ROBO2: variants seen among roughly 807,000 people sequenced by gnomAD.
The protein encoded by ROBO2 is roundabout homolog 2.
In ROBO2, 53 loss-of-function variants were observed where a neutral mutation model predicts 160.8. The ratio of observed to expected loss-of-function variants is 0.33; its 90% confidence interval spans 0.26 to 0.41. The LOEUF is 0.41. ROBO2 is among the 10% of genes least tolerant of loss of function. The pLI is 1.00. For missense variants in ROBO2, 1,577 were observed against 1,722.4 expected (o/e 0.92, Z 1.49); for synonymous variants, 664 against 611.7 (o/e 1.09, Z -1.26).
intron 2 of ROBO2, among the ~76,000 whole-genome samples, chr3:76,311,959 T>G (rs981751338): frequency 6.6e-6 from 1 of 152,236 alleles, no homozygotes; most frequent in African/African-American, 2.4e-5. Context: ...CTTTGAAGTG[T>G]TGTAATACAT....
At position 76,749,011 on chromosome 3, in the gene ROBO2, A is replaced by G. The variant is rs913828349; in HGVS notation, c.110-349003A>G. Reference sequence around the variant, plus strand: ...ATAAAATATTTATGATACACTAAAAATAATGCTATTATGGTAGAATATTTA... The same window carrying G: ...ATAAAATATTTATGATACACTAAAAGTAATGCTATTATGGTAGAATATTTA... On this transcript the variant is annotated intron_variant, in intron 2 of 26. Transcript: ENST00000487694. 3.3e-5 allele frequency among the ~76,000 whole-genome samples: 5 copies of G among 152,028 alleles called. No homozygotes were observed. In the South Asian group the frequency reaches 6.2e-4, roughly 19 times the overall value.
At chr3:77,647,210 C>T (rs2095418410) in exon 26 of ROBO2, 1 of 152,252 alleles carries the variant, frequency 6.6e-6, no homozygotes, top group African/African-American at 2.4e-5. Flanking sequence ...AAATTCATGA[C>T]TTAAAAAATA....
intron 2 of ROBO2, among the ~76,000 whole-genome samples, chr3:76,985,137 T>C (rs1216309105): frequency 6.6e-6 from 1 of 152,170 alleles, no homozygotes; most frequent in African/African-American, 2.4e-5. Context: ...CATAGTCTAG[T>C]ACACTGAATT....
rs370017823 is a variant in ROBO2, at chr3:76,031,912, A to G, written c.109+94310A>G. ...GTTAGGGAGGATTCCTTCTTTTCCT[A>G]TTGATTGGAATAGTTTCAGAAGGAA... On this transcript the variant is annotated intron_variant, in intron 2 of 26. Coordinates refer to the ROBO2 transcript ENST00000487694. 1.6e-4 allele frequency among the ~76,000 whole-genome samples: 24 copies of G among 152,026 alleles called. No homozygotes were observed. In the East Asian group the frequency reaches 4.1e-3, roughly 26 times the overall value.
At chr3:76,823,929 A>G (rs776734135) in intron 2 of ROBO2, among the ~76,000 whole-genome samples, 14 of 152,210 alleles carry the variant, frequency 9.2e-5, no homozygotes, top group African/African-American at 2.9e-4. Context: ...TAATAAAAAC[A>G]CACAAAATGA....
chr3:77,071,179 A>T (rs2067371645), intron 1 of ROBO2, among the ~76,000 whole-genome samples: 1 of 152,114 alleles, frequency 6.6e-6, no homozygotes, highest in African/African-American at 2.4e-5. Context: ...CTTCTGAGGA[A>T]ATATTTTACA....
chr3:77,126,778 ACTT>A (rs751153916), intron 2 of ROBO2, among the ~76,000 whole-genome samples: 3,484 of 132,824 alleles, frequency 0.026, 77 homozygotes, highest in East Asian at 0.049. Flanking sequence ...TGATTTTGAA[ACTT>A]CTTTTTTTTT....
chr3:77,266,207 T>A (rs549888753), intron 2 of ROBO2, among the ~76,000 whole-genome samples: 18 of 152,050 alleles, frequency 1.2e-4, no homozygotes, highest in African/African-American at 4.1e-4. Context: ...TTTTTAATCT[T>A]CATCTCTTAT....
intron 5 of ROBO2, among the ~76,000 whole-genome samples, chr3:77,515,444 T>TA (rs1209353489): frequency 6.6e-6 from 1 of 151,678 alleles, no homozygotes; most frequent in Non-Finnish European, 1.5e-5. Flanking sequence ...TGTCAATTGT[T>TA]TAAATAATTT....
chr3:77,374,147 G>A (rs1232783442), intron 2 of ROBO2, among the ~76,000 whole-genome samples: 3 of 110,614 alleles, frequency 2.7e-5, no homozygotes, highest in African/African-American at 1.1e-4. Flanking sequence ...TCCAGCCCAG[G>A]CCGACAACAG....
chr3:77,474,309 C>A (rs2153582592), intron 2 of ROBO2, among the ~76,000 whole-genome samples: 1 of 152,244 alleles, frequency 6.6e-6, no homozygotes, highest in Admixed American at 6.5e-5. Context: ...TGTGATTCTC[C>A]TCAGGGTACG....
chr3:77,464,555 G>C (rs2082574188), intron 2 of ROBO2, among the ~76,000 whole-genome samples: 1 of 152,124 alleles, frequency 6.6e-6, no homozygotes, highest in African/African-American at 2.4e-5. Context: ...GGGGGAGGAA[G>C]GGGACTATTC....
At chr3:77,108,401 C>T (rs1176140687) in intron 2 of ROBO2, among the ~76,000 whole-genome samples, 2 of 151,944 alleles carry the variant, frequency 1.3e-5, no homozygotes, top group East Asian at 3.9e-4. Context: ...TGGTCTGGAA[C>T]TCCTGGCCCT....
At chr3:76,727,286 G>A (rs2093567129) in intron 2 of ROBO2, among the ~76,000 whole-genome samples, 1 of 152,074 alleles carries the variant, frequency 6.6e-6, no homozygotes, top group Admixed American at 6.6e-5. Context: ...ATGATCTTAA[G>A]TAAGGAAATA....
chr3:77,448,831 A>T (rs4293680), intron 2 of ROBO2, among the ~76,000 whole-genome samples: 95,751 of 151,430 alleles, frequency 0.63, 30,595 homozygotes, highest in East Asian at 0.71. Context: ...CTTTTCCTCA[A>T]AAAATCACAT....
intron 2 of ROBO2, among the ~76,000 whole-genome samples, chr3:76,422,578 T>A (rs921115657): frequency 6.6e-6 from 1 of 152,172 alleles, no homozygotes; most frequent in Non-Finnish European, 1.5e-5. Context: ...TTTTTGGAAA[T>A]GGGATCATGG....
chr3:76,787,228 T>C (rs2063040995), intron 2 of ROBO2, among the ~76,000 whole-genome samples: 2 of 151,330 alleles, frequency 1.3e-5, no homozygotes, highest in South Asian at 2.1e-4. Context: ...AATGCCTTTA[T>C]AAAATTTTAC....
In ROBO2 at chr3:76,009,973, A is replaced by C. The variant is rs146861970; in HGVS notation, c.109+72371A>C. 4.7e-3 allele frequency among the ~76,000 whole-genome samples: 714 copies of C among 152,098 alleles called. 5 individuals carry two copies. Among genetic ancestry groups the C allele is most frequent in the African/African-American group, 0.017 (686 of 41,516 alleles). Reference sequence around the variant, plus strand: ...TCTAATCAGTGATTCAGTGATTACTATTTCTTTTCTATTTTCTTTATATGT... The same window carrying C: ...TCTAATCAGTGATTCAGTGATTACTCTTTCTTTTCTATTTTCTTTATATGT... On this transcript the variant is annotated intron_variant, in intron 2 of 26. Coordinates refer to the ROBO2 transcript ENST00000487694.
At chr3:77,564,209 A>G (rs965513597) in intron 11 of ROBO2, among the ~76,000 whole-genome samples, 1 of 152,110 alleles carries the variant, frequency 6.6e-6, no homozygotes, top group Non-Finnish European at 1.5e-5. Flanking sequence ...CAGAAAAATA[A>G]ACTGACCACC....
Sources: gnomAD v4.1 joint callset for allele counts (sites outside exome capture counted in the v4.1 genomes callset) on GRCh38, gnomAD v4.1.1 for gene constraint, MANE v1.5 for transcripts, NCBI Gene and HGNC (gene_info 2026-07-23, HGNC 2026-07-21) for gene names.